The following PRKCA variants were observed in gnomAD, a reference collection of about 807,000 sequenced individuals.
PRKCA encodes the protein protein kinase C alpha type.
A neutral mutation model predicts 87.0 loss-of-function variants in PRKCA; 27 were observed. The observed-to-expected ratio is 0.31, with a 90% confidence interval of 0.23 to 0.43. PRKCA has a LOEUF of 0.43. Among genes scored for constraint, PRKCA ranks in the 20% least tolerant of loss-of-function variants. PRKCA has a pLI of 1.00. For missense variants in PRKCA, 518 were observed against 852.3 expected (o/e 0.61, Z 4.88); for synonymous variants, 329 against 311.1 (o/e 1.06, Z -0.61).
chr17:66,351,097 C>G (rs769822824), intron 2 of PRKCA, among the ~76,000 whole-genome samples: 17 of 152,214 alleles, frequency 1.1e-4, no homozygotes, highest in Non-Finnish European at 2.2e-4. Flanking sequence ...CTGTCATAAT[C>G]ACCCCAGTAT....
chr17:66,615,626 G>A (rs1041000315), intron 3 of PRKCA, among the ~76,000 whole-genome samples: 14 of 152,166 alleles, frequency 9.2e-5, no homozygotes, highest in African/African-American at 3.4e-4. Flanking sequence ...TTCCAGGCCT[G>A]CGTGTGCCCT....
chr17:66,360,887 T>G (rs1396499593), intron 2 of PRKCA, among the ~76,000 whole-genome samples: 1 of 152,188 alleles, frequency 6.6e-6, no homozygotes, highest in African/African-American at 2.4e-5. Flanking sequence ...GGAATGAGTT[T>G]GGAGTCGTGT....
intron 3 of PRKCA, among the ~76,000 whole-genome samples, chr17:66,637,415 T>C (rs1971175775): frequency 6.6e-6 from 1 of 152,216 alleles, no homozygotes; most frequent in African/African-American, 2.4e-5. Context: ...GTATTTTTAA[T>C]TGGTGCTGGC....
At chr17:66,510,467 G>A (rs377729403) in intron 3 of PRKCA, among the ~76,000 whole-genome samples, 2 of 152,176 alleles carry the variant, frequency 1.3e-5, no homozygotes. Flanking sequence ...TGTCACCTGC[G>A]TATTTTAGGG....
At chr17:66,366,712 G>T (rs897357078) in intron 2 of PRKCA, among the ~76,000 whole-genome samples, 12 of 152,180 alleles carry the variant, frequency 7.9e-5, no homozygotes, top group African/African-American at 2.7e-4. Flanking sequence ...TAGCTGGCTT[G>T]CTCTGTTGGC....
chr17:66,485,646 G>T (rs1353342803), intron 2 of PRKCA, among the ~76,000 whole-genome samples: 1 of 152,150 alleles, frequency 6.6e-6, no homozygotes, highest in East Asian at 1.9e-4. Flanking sequence ...TGAAGAAAGA[G>T]ATTGCAGTCT....
intron 2 of PRKCA, among the ~76,000 whole-genome samples, chr17:66,371,683 C>T (rs1425331993): frequency 6.6e-6 from 1 of 152,130 alleles, no homozygotes; most frequent in African/African-American, 2.4e-5. Flanking sequence ...TGGCATAAAG[C>T]GACACTGTGA....
chr17:66,439,861 A>G (rs536641823), intron 2 of PRKCA, among the ~76,000 whole-genome samples: 35 of 152,352 alleles, frequency 2.3e-4, no homozygotes, highest in South Asian at 6.2e-4. Flanking sequence ...AAAGGGAATC[A>G]GCATTTCCAT....
intron 2 of PRKCA, among the ~76,000 whole-genome samples, chr17:66,490,741 T>G (rs1021593091): frequency 1.3e-5 from 2 of 152,084 alleles, no homozygotes; most frequent in African/African-American, 4.8e-5. Context: ...CCACTATGCC[T>G]TGCTAATTTT....
intron 3 of PRKCA, among the ~76,000 whole-genome samples, chr17:66,517,319 G>A (rs1206279930): frequency 6.6e-6 from 1 of 152,082 alleles, no homozygotes; most frequent in African/African-American, 2.4e-5. Context: ...TATCTCAGGA[G>A]ATTTTCCTGA....
intron 3 of PRKCA, among the ~76,000 whole-genome samples, chr17:66,588,615 T>C (rs1234431612): frequency 1.3e-5 from 2 of 150,794 alleles, no homozygotes; most frequent in Non-Finnish European, 3.0e-5. Flanking sequence ...TATTTCTTTC[T>C]GAGGTTTTAT....
intron 5 of PRKCA, among the ~76,000 whole-genome samples, chr17:66,686,782 A>G (rs1972640039): frequency 6.6e-6 from 1 of 152,036 alleles, no homozygotes; most frequent in Admixed American, 6.6e-5. Flanking sequence ...AATCTTGTTA[A>G]ATTACAGATT....
intron 13 of PRKCA, among the ~76,000 whole-genome samples, chr17:66,762,618 C>T (rs559567636): frequency 6.6e-6 from 1 of 152,288 alleles, no homozygotes; most frequent in South Asian, 2.1e-4. Context: ...TGCTGCGGGG[C>T]TTTCTGTTTA....
At chr17:66,686,984 C>A in intron 5 of PRKCA, 127 bp from the exon 6 acceptor site, 2 of 841,780 alleles carry the variant, frequency 2.4e-6, no homozygotes, top group South Asian at 1.9e-5. Flanking sequence ...AGGCTTTTGG[C>A]TTCCACCATC....
chr17:66,514,467 G>C (rs765859279), intron 3 of PRKCA, among the ~76,000 whole-genome samples: 1 of 152,102 alleles, frequency 6.6e-6, no homozygotes, highest in African/African-American at 2.4e-5. Flanking sequence ...GGATTCAAAC[G>C]TGAGTAATAG....
chr17:66,719,169 G>A (rs187115601), intron 8 of PRKCA, among the ~76,000 whole-genome samples: 104 of 152,276 alleles, frequency 6.8e-4, no homozygotes, highest in Non-Finnish European at 1.3e-3. Context: ...GCATGTCATT[G>A]AAAACAGAAC....
Position 66,792,476 on chromosome 17 carries a change from G to A in PRKCA, c.1854+3497G>A, listed in dbSNP as rs548997732. ...GCTGGACAGCCACAGAGCTTATCAG[G>A]GAATCATGGTTCCTCTAGTGTGCTG... On this transcript the variant is annotated intron_variant, in intron 16 of 16. Coordinates refer to ENST00000413366, the MANE Select transcript of PRKCA (RefSeq NM_002737.3). This position sits in a 1 kb window ranked among gnomAD's most constrained non-coding sequence, Gnocchi z 4.5. 4.8e-4 allele frequency among the ~76,000 whole-genome samples: 73 copies of A among 152,300 alleles called. No individual in the cohort carries two copies. The highest frequency in any genetic ancestry group is 1.4e-3 in the African/African-American group (59 of 41,566).
intron 13 of PRKCA, among the ~76,000 whole-genome samples, chr17:66,752,741 C>T (rs547467726): frequency 5.9e-5 from 9 of 152,218 alleles, no homozygotes; most frequent in Non-Finnish European, 7.3e-5. Context: ...TATTGGCCAA[C>T]GCCACATGGG....
At chr17:66,786,352 G>A (rs58203906) in intron 14 of PRKCA, among the ~76,000 whole-genome samples, 18,757 of 152,146 alleles carry the variant, frequency 0.12, 1,235 homozygotes, top group East Asian at 0.17. Flanking sequence ...TGTGCAGCTG[G>A]AAGGCCCTCC....
Sources: allele counts gnomAD v4.1 joint callset (sites outside exome capture counted in the v4.1 genomes callset), GRCh38; gene constraint gnomAD v4.1.1; non-coding constraint Gnocchi (gnomAD v3.1); transcripts MANE v1.5; gene names NCBI Gene and HGNC (gene_info 2026-07-23, HGNC 2026-07-21).